The following RBFOX1 variants were observed in gnomAD, a reference collection of about 807,000 sequenced individuals.
RBFOX1 encodes the protein RNA binding fox-1 homolog 1.
In RBFOX1, 8 loss-of-function variants were observed where a neutral mutation model predicts 57.7. That is an observed-to-expected ratio of 0.14 (90% CI 0.08 to 0.25). RBFOX1 has a LOEUF of 0.25. Ranked by LOEUF, RBFOX1 falls within the 10% of genes least tolerant of loss-of-function variation. The probability of loss-of-function intolerance (pLI) is 1.00; values close to 1 mark genes in which losing one functional copy is unlikely to be tolerated. For synonymous variants in RBFOX1, 326 were observed against 222.4 expected, an observed-to-expected ratio of 1.47 and a Z score of -4.15; for missense variants, 611 against 548.5, an observed-to-expected ratio of 1.11 and a Z score of -1.14.
chr16:6,482,718 G>T (rs1294257495), intron 2 of RBFOX1, among the ~76,000 whole-genome samples: 1 of 152,174 alleles, frequency 6.6e-6, no homozygotes, highest in Non-Finnish European at 1.5e-5. Flanking sequence ...AGATGAAATA[G>T]GATGAAAGCC....
intron 4 of RBFOX1, among the ~76,000 whole-genome samples, chr16:7,237,592 C>T (rs1011854873): frequency 1.3e-5 from 2 of 152,208 alleles, no homozygotes; most frequent in African/African-American, 4.8e-5. Flanking sequence ...AACTCTGCCT[C>T]TTTCAGTATA....
At chr16:6,215,666 A>G (rs949060666) in intron 1 of RBFOX1, among the ~76,000 whole-genome samples, 8 of 152,024 alleles carry the variant, frequency 5.3e-5, no homozygotes, top group Non-Finnish European at 2.9e-5. Flanking sequence ...TTTTTGCAGC[A>G]CATTTTGTCT....
At chr16:5,865,541 C>T (rs951800808) in intron 3 of RBFOX1, among the ~76,000 whole-genome samples, 2 of 152,176 alleles carry the variant, frequency 1.3e-5, no homozygotes, top group African/African-American at 2.4e-5. Flanking sequence ...CCATGGACAG[C>T]GAGCTCTGCC....
At chr16:7,498,281 G>A (rs1261143979) in intron 4 of RBFOX1, among the ~76,000 whole-genome samples, 1 of 152,068 alleles carries the variant, frequency 6.6e-6, no homozygotes, top group African/African-American at 2.4e-5. Flanking sequence ...AGGAGTGGTG[G>A]CTTCAAATTT....
At chr16:7,678,000 A>T (rs1047209719) in intron 14 of RBFOX1, among the ~76,000 whole-genome samples, 1 of 152,178 alleles carries the variant, frequency 6.6e-6, no homozygotes, top group African/African-American at 2.4e-5. Context: ...AATTCTTGCA[A>T]TATAATAAAG....
At position 7,158,074 on chromosome 16, in the gene RBFOX1, C is replaced by A. The variant is rs564341770; in HGVS notation, c.27+105976C>A. 8.1e-4 allele frequency among the ~76,000 whole-genome samples: 123 copies of A among 152,138 alleles called. 1 individual carries two copies. The highest frequency in any genetic ancestry group is 9.2e-4 in the Admixed American group (14 of 15,260). ...TTGAAAAACTACAGGGTTGGCTGGG[C>A]GCGGTAGCTCAAGCCTGTAATTCCA... is the stretch of plus-strand genomic sequence containing the variant. On this transcript the variant is annotated intron_variant, in intron 4 of 15. Coordinates refer to ENST00000550418, the MANE Select transcript of RBFOX1 (RefSeq NM_018723.4).
At chr16:7,523,086 A>G (rs995779835) in intron 5 of RBFOX1, among the ~76,000 whole-genome samples, 3 of 152,138 alleles carry the variant, frequency 2.0e-5, no homozygotes, top group Admixed American at 1.3e-4. Context: ...GTAACCTCAA[A>G]CATTATGTGC....
intron 4 of RBFOX1, among the ~76,000 whole-genome samples, chr16:7,406,354 A>G (rs1049848955): frequency 4.6e-5 from 7 of 152,180 alleles, no homozygotes; most frequent in African/African-American, 1.7e-4. Context: ...ATAGAAGAGT[A>G]AACCGAGGCC....
At chr16:6,141,278 T>A (rs1235883101) in intron 1 of RBFOX1, among the ~76,000 whole-genome samples, 3 of 152,164 alleles carry the variant, frequency 2.0e-5, no homozygotes, top group Admixed American at 6.5e-5. Flanking sequence ...CCTAACACTT[T>A]ATGAGATAAA....
chr16:7,618,084 C>A (rs2058746032), intron 10 of RBFOX1, among the ~76,000 whole-genome samples: 1 of 151,374 alleles, frequency 6.6e-6, no homozygotes, highest in Non-Finnish European at 1.5e-5. Flanking sequence ...ACGTTTTTTC[C>A]AAAGGCTAAG....
intron 4 of RBFOX1, among the ~76,000 whole-genome samples, chr16:7,119,971 T>C (rs4494564): frequency 0.13 from 20,084 of 151,984 alleles, 1,589 homozygotes; most frequent in East Asian, 0.35. Context: ...ACTTAACAAA[T>C]TTAAAATAAT....
At position 6,384,682 on chromosome 16, in the gene RBFOX1, C is replaced by T. The variant is rs1401725037; in HGVS notation, c.-64+67625C>T. Among the ~76,000 whole-genome samples the T allele has an allele frequency of 3.3e-5, 5 of 152,210 alleles. No individual in the cohort carries two copies. The East Asian group carries it at 7.7e-4, about 23-fold the overall frequency. ...ATGAAGAATCTCTTCTTCCAGGCCT[C>T]TTTGTAAATGTGTGAACAAGTTTAT... On this transcript the variant is annotated intron_variant, in intron 2 of 15. Coordinates refer to ENST00000550418, the MANE Select transcript of RBFOX1 (RefSeq NM_018723.4).
chr16:5,887,713 C>T (rs1042822623), intron 4 of RBFOX1, among the ~76,000 whole-genome samples: 5 of 152,076 alleles, frequency 3.3e-5, no homozygotes, highest in African/African-American at 1.2e-4. Context: ...CTCCTTTCTC[C>T]TGTTTTTTAC....
intron 3 of RBFOX1, among the ~76,000 whole-genome samples, chr16:5,648,513 T>C (rs1186308011): frequency 2.0e-5 from 3 of 152,140 alleles, no homozygotes; most frequent in African/African-American, 7.2e-5. Flanking sequence ...TTTTGCTTAG[T>C]ACAACTTGCG....
chr16:5,883,189 T>C (rs2057806578), intron 4 of RBFOX1, among the ~76,000 whole-genome samples: 1 of 151,864 alleles, frequency 6.6e-6, no homozygotes, highest in African/African-American at 2.4e-5. Context: ...TAATAATAAT[T>C]TTTTTTTGCA....
At chr16:5,552,291 T>C (rs1317042230) in intron 2 of RBFOX1, among the ~76,000 whole-genome samples, 1 of 152,208 alleles carries the variant, frequency 6.6e-6, no homozygotes, top group Admixed American at 6.5e-5. Context: ...TTCCGTCATA[T>C]GTTGCCTCCT....
chr16:7,323,749 A>C (rs1479373198), intron 4 of RBFOX1, among the ~76,000 whole-genome samples: 1 of 152,244 alleles, frequency 6.6e-6, no homozygotes, highest in Non-Finnish European at 1.5e-5. Context: ...CATAGTAAGC[A>C]TTGAATAAGT....
At chr16:5,592,714 G>C (rs1189717642) in intron 2 of RBFOX1, among the ~76,000 whole-genome samples, 1 of 152,228 alleles carries the variant, frequency 6.6e-6, no homozygotes, top group African/African-American at 2.4e-5. Context: ...CAAGAAGGAA[G>C]TCTCTGAGGT....
chr16:7,205,244 G>A lies in RBFOX1; in HGVS notation c.27+153146G>A, dbSNP rs149852510. ...GAAAATGTATGGAAATGGGCGGGGC[G>A]TGGCGGCTCACACCTGTAATCCCAG... On this transcript the variant is annotated intron_variant, in intron 4 of 15. Coordinates refer to ENST00000550418, the MANE Select transcript of RBFOX1 (RefSeq NM_018723.4). 3.3e-3 allele frequency among the ~76,000 whole-genome samples: 505 copies of A among 152,186 alleles called. 3 individuals carry two copies. The highest frequency in any genetic ancestry group is 0.01 in the South Asian group (49 of 4,816).
Sources: gnomAD v4.1 joint callset for allele counts (sites outside exome capture counted in the v4.1 genomes callset) on GRCh38, gnomAD v4.1.1 for gene constraint, MANE v1.5 for transcripts, NCBI Gene and HGNC (gene_info 2026-07-23, HGNC 2026-07-21) for gene names.